Variants in CSMD3 observed in about 807,000 individuals in gnomAD.
The protein encoded by CSMD3 is CUB and sushi domain-containing protein 3.
A neutral mutation model predicts 435.2 loss-of-function variants in CSMD3; 177 were observed. The observed-to-expected ratio is 0.41, with a 90% CI of 0.36 to 0.46. The LOEUF is 0.46. Ranked by LOEUF, CSMD3 falls within the 20% of genes least tolerant of loss-of-function variation. CSMD3 has a pLI of 0.34. For missense variants in CSMD3, 4,265 were observed against 4,504.6 expected (o/e 0.95, Z 1.52); for synonymous variants, 1,656 against 1,520.5 (o/e 1.09, Z -2.07).
chr8:112,524,354 T>G lies in CSMD3; in HGVS notation c.4565-7129A>C, dbSNP rs535378554. Reference sequence around the variant, plus strand: ...TTAGTAAGTAAAAAAAAAAAAGAAATAAAAATTATGTAAAAATGGTTTCAC... The same window carrying G: ...TTAGTAAGTAAAAAAAAAAAAGAAAGAAAAATTATGTAAAAATGGTTTCAC... On this transcript the variant is annotated intron_variant, in intron 27 of 70. Coordinates refer to ENST00000297405, the MANE Select transcript of CSMD3 (RefSeq NM_198123.2). 2.0e-3 allele frequency among the ~76,000 whole-genome samples: 302 copies of G among 151,486 alleles called. 2 individuals are homozygous for G. The highest frequency in any genetic ancestry group is 7.1e-3 in the African/African-American group (293 of 41,368).
intron 12 of CSMD3, among the ~76,000 whole-genome samples, chr8:112,801,797 G>A (rs561137818): frequency 2.6e-5 from 4 of 152,016 alleles, no homozygotes; most frequent in African/African-American, 9.6e-5. Context: ...ATTATTAAAC[G>A]GGAATGAGAG....
At position 113,329,204 on chromosome 8, in the gene CSMD3, AAAAT is replaced by A. The variant is rs60369800; in HGVS notation, c.179-14415_179-14412del. On this transcript the variant is annotated intron_variant, in intron 1 of 70. Transcript: ENST00000297405. ...CTACTACAAGTATGTTTAAAGAATG[AAAAT>A]AAATAAATAAATAAATAAATAAATA... Among the ~76,000 whole-genome samples, 676 of 143,974 alleles carry A rather than the reference AAAAT, an allele frequency of 4.7e-3. 13 individuals carry two copies. The highest frequency in any genetic ancestry group is 0.015 in the African/African-American group (571 of 39,184). The allele number at this position is 143,974 out of a possible 152,430, so 94.5% of individuals were successfully genotyped here.
chr8:112,469,646 C>G (rs1484011170), intron 32 of CSMD3, among the ~76,000 whole-genome samples: 1 of 152,090 alleles, frequency 6.6e-6, no homozygotes, highest in Non-Finnish European at 1.5e-5. Flanking sequence ...GTTTGCACTC[C>G]TATGGGAATC....
chr8:112,780,258 A>C (rs1284336553), intron 13 of CSMD3, among the ~76,000 whole-genome samples: 2 of 152,106 alleles, frequency 1.3e-5, no homozygotes, highest in East Asian at 1.9e-4. Flanking sequence ...ACAATAGTGT[A>C]TAGTTCCCCA....
At chr8:112,247,613 C>T (rs574077434) in intron 63 of CSMD3, among the ~76,000 whole-genome samples, 38 of 152,060 alleles carry the variant, frequency 2.5e-4, no homozygotes, top group African/African-American at 7.5e-4. Context: ...GTGGTGATAA[C>T]GGAAATATAC....
At chr8:113,240,848 A>T (rs960422397) in intron 3 of CSMD3, among the ~76,000 whole-genome samples, 3 of 152,174 alleles carry the variant, frequency 2.0e-5, no homozygotes, top group Non-Finnish European at 2.9e-5. Flanking sequence ...CTGTAGTAAG[A>T]TAAAATTTGT....
At chr8:112,897,664 T>C (rs917081302) in intron 10 of CSMD3, among the ~76,000 whole-genome samples, 2 of 135,028 alleles carry the variant, frequency 1.5e-5, no homozygotes, top group Admixed American at 7.6e-5. Context: ...AAAATACTAT[T>C]TCTCTCTCTC....
At chr8:113,335,350 G>A (rs927526110) in intron 1 of CSMD3, among the ~76,000 whole-genome samples, 1 of 151,958 alleles carries the variant, frequency 6.6e-6, no homozygotes, top group African/African-American at 2.4e-5. Flanking sequence ...ATGGTAATCT[G>A]TGTCATCTTT....
chr8:112,514,620 G>C (rs1436874572), intron 28 of CSMD3, among the ~76,000 whole-genome samples: 2 of 151,622 alleles, frequency 1.3e-5, no homozygotes, highest in Non-Finnish European at 2.9e-5. Flanking sequence ...CTTTCCCGGG[G>C]GCAATGTCAA....
chr8:113,429,566 T>C (rs1373007152), intron 1 of CSMD3, among the ~76,000 whole-genome samples: 2 of 152,078 alleles, frequency 1.3e-5, no homozygotes, highest in African/African-American at 4.8e-5. Flanking sequence ...GAAAAGTTTT[T>C]CACTCCATAA....
chr8:112,733,253 C>T (rs542968528), intron 13 of CSMD3, among the ~76,000 whole-genome samples: 29 of 152,162 alleles, frequency 1.9e-4, no homozygotes, highest in Admixed American at 4.6e-4. Flanking sequence ...ATAATCACCA[C>T]GCTAGACGAA....
At chr8:113,399,169 T>C (rs2094498292) in intron 1 of CSMD3, among the ~76,000 whole-genome samples, 2 of 148,432 alleles carry the variant, frequency 1.3e-5, no homozygotes, top group Non-Finnish European at 3.0e-5. Context: ...TATATATATA[T>C]ACCTATATAT....
At chr8:112,296,816 A>G (rs1820338249) in intron 53 of CSMD3, among the ~76,000 whole-genome samples, 1 of 151,894 alleles carries the variant, frequency 6.6e-6, no homozygotes, top group Admixed American at 6.6e-5. Context: ...TTCTCTAAAA[A>G]TAGCAACAAA....
chr8:113,103,047 T>C (rs1279527255), intron 4 of CSMD3, among the ~76,000 whole-genome samples: 1 of 152,196 alleles, frequency 6.6e-6, no homozygotes, highest in African/African-American at 2.4e-5. Flanking sequence ...GTTTTGACTA[T>C]ATTATTTTAT....
intron 4 of CSMD3, among the ~76,000 whole-genome samples, chr8:113,168,962 A>C (rs982959572): frequency 2.0e-5 from 3 of 152,154 alleles, no homozygotes; most frequent in Middle Eastern, 3.2e-3. Flanking sequence ...ATATCCTTTC[A>C]TTAACTAAGT....
intron 13 of CSMD3, among the ~76,000 whole-genome samples, chr8:112,756,165 C>T (rs1159730467): frequency 6.6e-6 from 1 of 152,030 alleles, no homozygotes; most frequent in South Asian, 2.1e-4. Context: ...ACTTGGTATC[C>T]AGGACTCCGT....
intron 3 of CSMD3, among the ~76,000 whole-genome samples, chr8:113,182,527 AAAAC>A (rs1215947013): frequency 2.0e-5 from 3 of 151,538 alleles, no homozygotes; most frequent in African/African-American, 7.3e-5. Context: ...GCCAAAAAAA[AAAAC>A]AAAACAACAA....
intron 10 of CSMD3, among the ~76,000 whole-genome samples, chr8:112,901,834 G>T (rs1034496787): frequency 6.6e-6 from 1 of 151,254 alleles, no homozygotes; most frequent in African/African-American, 2.4e-5. Flanking sequence ...ACCCAATCTT[G>T]TGGGACACTG....
At chr8:112,268,843 CA>C (rs1308392912) in intron 59 of CSMD3, among the ~76,000 whole-genome samples, 4 of 152,144 alleles carry the variant, frequency 2.6e-5, no homozygotes, top group Non-Finnish European at 5.9e-5. Context: ...TGATTTTACA[CA>C]ATCTCCACAT....
Sources: gnomAD v4.1 joint callset for allele counts (sites outside exome capture counted in the v4.1 genomes callset) on GRCh38, gnomAD v4.1.1 for gene constraint, MANE v1.5 for transcripts, NCBI Gene and HGNC (gene_info 2026-07-23, HGNC 2026-07-21) for gene names.